The following CCDC171 variants were observed in gnomAD, a reference collection of about 807,000 sequenced individuals.
CCDC171 encodes coiled-coil domain-containing protein 171.
CCDC171 carries 177 observed loss-of-function variants against 168.2 expected under a neutral mutation model. That is an observed-to-expected ratio of 1.05 (90% CI 0.93 to 1.19). CCDC171 has a LOEUF of 1.19. CCDC171 is among the 50% of genes most tolerant of loss of function. The probability of loss-of-function intolerance (pLI) is 0.00; values close to 1 mark genes in which losing one functional copy is unlikely to be tolerated. For synonymous variants in CCDC171, 687 were observed against 540.8 expected, an observed-to-expected ratio of 1.27 and a Z score of -3.75; for missense variants, 1,991 against 1,539.0, an observed-to-expected ratio of 1.29 and a Z score of -4.91.
At chr9:16,039,301 A>T (rs76132330), upstream of CCDC171, among the ~76,000 whole-genome samples, 5,549 of 152,032 alleles carry the variant, frequency 0.036, 156 homozygotes, top group Non-Finnish European at 0.062. Flanking sequence ...TCCAGCCTTG[A>T]CTCAGGGAGG....
At chr9:15,622,048 CAT>C (rs1469060184) in intron 6 of CCDC171, among the ~76,000 whole-genome samples, 3 of 152,136 alleles carry the variant, frequency 2.0e-5, no homozygotes, top group Admixed American at 6.5e-5. Context: ...CCAAATACCA[CAT>C]GTTCTCACTT....
intron 23 of CCDC171, among the ~76,000 whole-genome samples, chr9:15,855,270 T>A (rs1050873432): frequency 2.0e-5 from 3 of 151,850 alleles, no homozygotes; most frequent in African/African-American, 4.8e-5. Flanking sequence ...TGTTATATCT[T>A]CTTGATGGAT....
Position 15,869,418 on chromosome 9 carries a change from A to T in CCDC171, c.3469-5114A>T, listed in dbSNP as rs190141735. On this transcript the variant is annotated intron_variant, in intron 23 of 25. Coordinates refer to ENST00000380701, the MANE Select transcript of CCDC171 (RefSeq NM_173550.4). ...GTCTTGGAACTGTCTAATTTTTTTT[A>T]AATTATTTTTTCTTTCTTCTACATT... 7.6e-3 allele frequency among the ~76,000 whole-genome samples: 1,154 copies of T among 151,840 alleles called. 13 individuals are homozygous for T. The highest frequency in any genetic ancestry group is 0.026 in the African/African-American group (1,091 of 41,460).
chr9:15,762,830 T>C (rs867555451), intron 18 of CCDC171, among the ~76,000 whole-genome samples: 114 of 152,344 alleles, frequency 7.5e-4, no homozygotes, highest in African/African-American at 2.6e-3. Context: ...CACTGGTGTC[T>C]TCTCTGTCCC....
intron 18 of CCDC171, among the ~76,000 whole-genome samples, chr9:15,757,237 C>T (rs1357731703): frequency 2.0e-5 from 3 of 152,082 alleles, no homozygotes; most frequent in African/African-American, 4.8e-5. Flanking sequence ...TGGCTTTGCC[C>T]AAAAGTCTGA....
At chr9:15,645,281 A>T (rs921915297) in intron 7 of CCDC171, among the ~76,000 whole-genome samples, 8 of 152,200 alleles carry the variant, frequency 5.3e-5, no homozygotes, top group African/African-American at 1.9e-4. Context: ...AACCACAAAG[A>T]TGGGGAAAAA....
intron 9 of CCDC171, among the ~76,000 whole-genome samples, chr9:15,677,783 A>G (rs1205721630): frequency 6.3e-5 from 9 of 142,334 alleles, no homozygotes; most frequent in East Asian, 4.1e-4. Context: ...GTGTGTGTGT[A>G]TATATACCCC....
intron 24 of CCDC171, among the ~76,000 whole-genome samples, chr9:15,884,668 C>T (rs562375097): frequency 6.6e-6 from 1 of 152,278 alleles, no homozygotes; most frequent in Non-Finnish European, 1.5e-5. Context: ...AATTTAACCA[C>T]CTCGGTAAGT....
chr9:15,626,565 A>C (rs1008793289), intron 7 of CCDC171, among the ~76,000 whole-genome samples: 2 of 152,184 alleles, frequency 1.3e-5, no homozygotes, highest in Non-Finnish European at 2.9e-5. Context: ...GCATCTGTTG[A>C]GATAATCATG....
chr9:15,600,794 C>T (rs1016963964), intron 6 of CCDC171, among the ~76,000 whole-genome samples: 1 of 152,208 alleles, frequency 6.6e-6, no homozygotes, highest in African/African-American at 2.4e-5. Flanking sequence ...CCATTTCGAG[C>T]TTCCCGGCCA....
rs987097269 is a variant in CCDC171 at position 15,575,477 on chromosome 9, A to G, written c.178-3372A>G. 4.9e-4 allele frequency among the ~76,000 whole-genome samples: 74 copies of G among 152,270 alleles called. 1 individual carries two copies. The highest frequency in any genetic ancestry group is 1.6e-3 in the African/African-American group (66 of 41,574). The stretch of plus-strand genomic sequence containing the variant: ...GTGTGAGCCACCGTACTCGGCTGAC[A>G]TAACTTCTTTTAGCCAAAAAATACT... On this transcript the variant is annotated intron_variant, in intron 3 of 25. Transcript: ENST00000380701.
intron 3 of CCDC171, among the ~76,000 whole-genome samples, chr9:15,573,905 A>G (rs2040431104): frequency 1.3e-5 from 2 of 152,044 alleles, no homozygotes; most frequent in Non-Finnish European, 2.9e-5. Flanking sequence ...TACAAAAAAT[A>G]AAATAAAAAT....
intron 24 of CCDC171, among the ~76,000 whole-genome samples, chr9:15,903,877 A>C (rs919674452): frequency 6.6e-6 from 1 of 152,238 alleles, no homozygotes; most frequent in Non-Finnish European, 1.5e-5. Flanking sequence ...TACGTGACGA[A>C]TGCATAAGCC....
chr9:15,630,061 C>T (rs538322780), intron 7 of CCDC171, among the ~76,000 whole-genome samples: 1 of 152,314 alleles, frequency 6.6e-6, no homozygotes, highest in African/African-American at 2.4e-5. Context: ...CGGTACCAGC[C>T]ATTGCAAAAT....
At chr9:15,894,297 G>C (rs907205418) in intron 24 of CCDC171, among the ~76,000 whole-genome samples, 2 of 152,038 alleles carry the variant, frequency 1.3e-5, no homozygotes, top group African/African-American at 4.8e-5. Context: ...TGGGGGAAGA[G>C]CATCAGGAAG....
intron 25 of CCDC171, among the ~76,000 whole-genome samples, chr9:15,958,974 A>C (rs1379810934): frequency 1.3e-5 from 2 of 152,160 alleles, no homozygotes; most frequent in Non-Finnish European, 2.9e-5. Flanking sequence ...TGCAGTGTTC[A>C]TGTGCCCTGT....
At chr9:15,604,041 T>C (rs2043051195) in intron 6 of CCDC171, among the ~76,000 whole-genome samples, 1 of 152,184 alleles carries the variant, frequency 6.6e-6, no homozygotes. Context: ...TGGCTGCATG[T>C]ATGTCTTTTT....
intron 25 of CCDC171, among the ~76,000 whole-genome samples, chr9:15,959,070 G>A (rs1312690444): frequency 2.0e-5 from 3 of 152,154 alleles, no homozygotes; most frequent in Admixed American, 6.6e-5. Flanking sequence ...TTGGAAGACC[G>A]AAGGTGCCTG....
chr9:15,725,124 C>T, intron 14 of CCDC171, 148 bp downstream of exon 14: 1 of 625,636 alleles, frequency 1.6e-6, no homozygotes, highest in Non-Finnish European at 2.8e-6. Flanking sequence ...CAAAATCACT[C>T]CATTACTCTT....
Sources: allele counts gnomAD v4.1 joint callset (sites outside exome capture counted in the v4.1 genomes callset), GRCh38; gene constraint gnomAD v4.1.1; transcripts MANE v1.5; gene names NCBI Gene and HGNC (gene_info 2026-07-23, HGNC 2026-07-21).